Variants in MEOX1 observed in about 807,000 individuals in gnomAD.
MEOX1 encodes the protein mesenchyme homeobox 1.
Under a neutral mutation model 23.2 loss-of-function variants are expected in MEOX1, and 17 were observed. That is an observed-to-expected ratio of 0.73 (90% CI 0.50 to 1.10). The LOEUF (loss-of-function observed/expected upper bound fraction) is 1.10. Among genes scored for constraint, MEOX1 ranks in the 50% least tolerant of loss-of-function variants. The pLI, the probability that MEOX1 is intolerant of heterozygous loss-of-function variation, is 0.00. For synonymous variants in MEOX1, 134 were observed against 135.1 expected (o/e 0.99, Z 0.06); for missense variants, 333 against 332.2 (o/e 1.00, Z -0.02).
intron 1 of MEOX1, among the ~76,000 whole-genome samples, chr17:43,645,865 C>G (rs923057371): frequency 6.6e-6 from 1 of 152,270 alleles, no homozygotes; most frequent in African/African-American, 2.4e-5. Context: ...CCTCCGCCTC[C>G]GCGCCCCACT....
At chr17:43,654,794 T>G (rs1972983846) in intron 1 of MEOX1, among the ~76,000 whole-genome samples, 2 of 152,204 alleles carry the variant, frequency 1.3e-5, no homozygotes, top group Admixed American at 6.5e-5. Context: ...GACTCACACC[T>G]GTAATCCCAG....
chr17:43,652,333 G>A (rs992105009), intron 1 of MEOX1, among the ~76,000 whole-genome samples: 1 of 152,130 alleles, frequency 6.6e-6, no homozygotes, highest in African/African-American at 2.4e-5. Context: ...ACAGCAGGGG[G>A]CAAAGACTTC....
intron 1 of MEOX1, among the ~76,000 whole-genome samples, chr17:43,654,798 A>C (rs1446425953): frequency 1.3e-5 from 2 of 152,102 alleles, no homozygotes; most frequent in Non-Finnish European, 2.9e-5. Context: ...CACACCTGTA[A>C]TCCCAGTGCT....
intron 1 of MEOX1, among the ~76,000 whole-genome samples, chr17:43,660,053 G>C (rs915336332): frequency 6.6e-6 from 1 of 152,208 alleles, no homozygotes. Flanking sequence ...TACAGGCTCC[G>C]ACAGACAGGC....
At chr17:43,646,018 G>T (rs1056453727) in intron 1 of MEOX1, among the ~76,000 whole-genome samples, 1 of 152,212 alleles carries the variant, frequency 6.6e-6, no homozygotes, top group Non-Finnish European at 1.5e-5. Context: ...CGAGAAGGCG[G>T]GGGAGGGGCC....
At position 43,641,962 on chromosome 17, in the gene MEOX1, T is replaced by A. The variant is rs142457214; in HGVS notation, c.713A>T (p.Asn238Ile). The A allele has an allele frequency of 1.9e-6, 3 of 1,613,918 alleles. No homozygotes were observed. Among genetic ancestry groups the A allele is most frequent in the Non-Finnish European group, 1.7e-6 (2 of 1,179,874 alleles). Residue 238 changes from asparagine to isoleucine, a missense_variant, in exon 3 of 3, where the codon AAT (asparagine) becomes ATT (isoleucine). Asn to Ile is a moderately radical substitution (Grantham distance 149). Transcript: ENST00000318579. The part of the protein sequence containing the change: ...RVKGGQPISP[N>I]GQDPEDGDST... Reference sequence around the variant, plus strand: ...GTCCCCATCCTCAGGGTCCTGCCCATTGGGGGAGATGGGCTGACCTCCCTT... The same window carrying A: ...GTCCCCATCCTCAGGGTCCTGCCCAATGGGGGAGATGGGCTGACCTCCCTT...
intron 1 of MEOX1, among the ~76,000 whole-genome samples, chr17:43,644,082 T>A (rs1972757479): frequency 6.6e-6 from 1 of 152,120 alleles, no homozygotes; most frequent in Non-Finnish European, 1.5e-5. Flanking sequence ...GAGAGCTTGT[T>A]ACAAATGCAA....
In MEOX1 at chr17:43,645,736, G is replaced by A. The variant is rs1232159879; in HGVS notation, c.470-2076C>T. Among the ~76,000 whole-genome samples the A allele has an allele frequency of 1.3e-5, 2 of 152,154 alleles. 1 individual carries two copies. Among genetic ancestry groups the A allele is most frequent in the Non-Finnish European group, 2.9e-5 (2 of 68,010 alleles). On this transcript the variant is annotated intron_variant, in intron 1 of 2. Transcript: ENST00000318579. Reference sequence around the variant, plus strand: ...CAGCCGCATTGGGAGTGGGTGGCGAGGCAGGAACCCCACATTAACCCGGCG... The same window carrying A: ...CAGCCGCATTGGGAGTGGGTGGCGAAGCAGGAACCCCACATTAACCCGGCG...
At chr17:43,646,284 T>C (rs1240363618) in intron 1 of MEOX1, among the ~76,000 whole-genome samples, 1 of 151,948 alleles carries the variant, frequency 6.6e-6, no homozygotes, top group Non-Finnish European at 1.5e-5. Context: ...CCTCCGGCCT[T>C]GGCCGCCGCC....
chr17:43,657,162 C>T (rs1405489006), intron 1 of MEOX1, among the ~76,000 whole-genome samples: 2 of 64,386 alleles, frequency 3.1e-5, no homozygotes, highest in African/African-American at 6.5e-5. Flanking sequence ...CTCTTTCTTT[C>T]TTTCTTTCTT....
rs772798486 is a variant in MEOX1, at chr17:43,642,011, G to T, written c.664C>A (p.Arg222=). 1.9e-6 allele frequency: 3 copies of T among 1,613,844 alleles called. No individual in the cohort carries two copies. The highest frequency in any genetic ancestry group is 1.7e-5 in the Admixed American group (1 of 59,970). Residue 222 remains arginine (R), a synonymous_variant, in exon 3 of 3, where the codon CGA becomes AGA. Coordinates refer to ENST00000318579, the MANE Select transcript of MEOX1 (RefSeq NM_004527.4). ...TTCACACGCTTCCACTTCATCCTTC[G>T]GTTCTGGAACCACACTTTGACCTGG... ...ERQVKVWFQN[R]RMKWKRVKGG... is the part of the protein sequence containing the mutation.
intron 1 of MEOX1, among the ~76,000 whole-genome samples, chr17:43,647,656 TC>T (rs1376018922): frequency 6.6e-6 from 1 of 151,908 alleles, no homozygotes; most frequent in Non-Finnish European, 1.5e-5. Flanking sequence ...CCCCATGATG[TC>T]CCCCAAATAA....
In MEOX1 at chr17:43,661,090, A is replaced by G; in HGVS notation, c.445T>C (p.Ser149Pro). The G allele has an allele frequency of 1.5e-5, 22 of 1,498,194 alleles. No homozygotes were observed. Among genetic ancestry groups the G allele is most frequent in the Non-Finnish European group, 1.9e-5 (21 of 1,123,506 alleles). 92.8% of individuals were successfully genotyped at this position (1,498,194 alleles called of 1,614,324 possible). A position where few individuals can be genotyped will look rare whatever the true frequency, so the allele number is the denominator to read the frequency against. The change falls in exon 1 of 3, where the codon TCC (serine) becomes CCC (proline). Residue 149 changes from serine (S) to proline (P), a missense_variant. Coordinates refer to ENST00000318579, the MANE Select transcript of MEOX1 (RefSeq NM_004527.4). ...STANETEKKSSRRRKESSDNQ... is the reference protein window; with the variant it reads ...STANETEKKSPRRRKESSDNQ... The stretch of plus-strand genomic sequence containing the variant: ...CCTGAACTCTCCTTTCTCCGCCTGG[A>G]TGATTTCTTCTCTGTCTCATTGGCA...
chr17:43,661,243 C>G lies in MEOX1; in HGVS notation c.292G>C (p.Val98Leu). Reference protein sequence around the residue: ...FPQSPNWHFPVSDARRRPNSG... With the variant: ...FPQSPNWHFPLSDARRRPNSG... ...TTGGGCCTGCGCCGGGCGTCTGAGA[C>G]AGGGAAGTGCCAGTTGGGGGACTGT... The change falls in exon 1 of 3, where the codon GTC (valine) becomes CTC (leucine). Residue 98 changes from valine (V) to leucine (L), a missense_variant. Transcript: ENST00000318579. 1 of 1,609,548 alleles carries G rather than the reference C, an allele frequency of 6.2e-7. No individual in the cohort carries two copies. The highest frequency in any genetic ancestry group is 1.1e-5 in the South Asian group (1 of 90,226).
intron 1 of MEOX1, among the ~76,000 whole-genome samples, chr17:43,647,284 C>A (rs1311083144): frequency 1.3e-5 from 2 of 152,236 alleles, no homozygotes; most frequent in Admixed American, 1.3e-4. Context: ...GTACCTGGCA[C>A]AACTGACCCC....
intron 1 of MEOX1, 142 bp from the exon 2 acceptor site, chr17:43,643,802 T>G: frequency 1.7e-6 from 1 of 599,566 alleles, no homozygotes. Context: ...ACTGTCCTTT[T>G]TATTCCTTCT....
chr17:43,657,010 TTC>T (rs113484452), intron 1 of MEOX1, among the ~76,000 whole-genome samples: 6,228 of 60,046 alleles, frequency 0.1, 402 homozygotes, highest in African/African-American at 0.32. Flanking sequence ...CTTTCTTTCT[TTC>T]TCTTTCTTTC....
chr17:43,646,152 C>G (rs1268482490), intron 1 of MEOX1, among the ~76,000 whole-genome samples: 1 of 152,122 alleles, frequency 6.6e-6, no homozygotes, highest in Non-Finnish European at 1.5e-5. Context: ...GTTCCTGGCG[C>G]GGGCTGCCTG....
rs544989481 is a variant in MEOX1 at position 43,644,196 on chromosome 17, C to T, written c.470-536G>A. Reference sequence around the variant, plus strand: ...GATGCGTCTGGTGCACAGTCAAGTCCGCTGCTCTAAGACCTCACCACTCAA... The same window carrying T: ...GATGCGTCTGGTGCACAGTCAAGTCTGCTGCTCTAAGACCTCACCACTCAA... On this transcript the variant is annotated intron_variant, in intron 1 of 2. Coordinates refer to ENST00000318579, the MANE Select transcript of MEOX1 (RefSeq NM_004527.4). Among the ~76,000 whole-genome samples, 12 of 152,340 alleles carry T rather than the reference C, an allele frequency of 7.9e-5. No homozygotes were observed. The East Asian group carries it at 1.9e-3, about 24-fold the overall frequency.
Sources: allele counts gnomAD v4.1 joint callset (sites outside exome capture counted in the v4.1 genomes callset), GRCh38; gene constraint gnomAD v4.1.1; transcripts MANE v1.5; gene names NCBI Gene and HGNC (gene_info 2026-07-23, HGNC 2026-07-21).